Variants in SLC22A23 observed in about 807,000 individuals in gnomAD.
SLC22A23 encodes the protein ion transporter protein.
SLC22A23 carries 26 observed loss-of-function variants against 61.0 expected under a neutral mutation model. The ratio of observed to expected loss-of-function variants is 0.43; its 90% CI spans 0.31 to 0.59. The LOEUF is 0.59. SLC22A23 is among the 20% of genes least tolerant of loss of function. The pLI is 0.11. For synonymous variants in SLC22A23, 430 were observed against 413.9 expected (o/e 1.04, Z -0.47); for missense variants, 796 against 934.7 (o/e 0.85, Z 1.94).
In SLC22A23 at chr6:3,271,745, A is replaced by G. The variant is rs955741199; in HGVS notation, c.*1310T>C. On this transcript the variant is annotated 3_prime_UTR_variant, in exon 10 of 10. Coordinates refer to ENST00000406686, the MANE Select transcript of SLC22A23 (RefSeq NM_015482.2). ...TTGGGTGTCCTACAAGTTTCCTCCG[A>G]AAATGCCAAGAGGAAACCTCCACTT... The G allele has an allele frequency of 2.0e-5, 3 of 151,644 alleles. No homozygotes were observed. Among genetic ancestry groups the G allele is most frequent in the African/African-American group, 7.4e-5 (3 of 40,776 alleles). The allele number at this position is 151,644 out of a possible 1,614,324, so 9.4% of individuals were successfully genotyped here. A position where few individuals can be genotyped will look rare whatever the true frequency, so the allele number is the denominator to read the frequency against.
rs1769554026 is a variant in SLC22A23 at position 3,414,740 on chromosome 6, A to AT, written c.758+1011_758+1012insA. ...ATTCACCAAAAAAAAAAAAAAAAAA[A>AT]AAAATCCTTTAAAGATAAAAGAATG... On this transcript the variant is annotated intron_variant, in intron 2 of 9. Transcript: ENST00000406686. This position sits in a 1 kb window ranked among gnomAD's most constrained non-coding sequence, Gnocchi z 5.1. Among the ~76,000 whole-genome samples the AT allele has an allele frequency of 6.6e-6, 1 of 151,846 alleles. No individual in the cohort carries two copies. The highest frequency in any genetic ancestry group is 2.4e-5 in the African/African-American group (1 of 41,292).
Position 3,328,951 on chromosome 6 carries a change from G to A in SLC22A23, c.914-4949C>T, listed in dbSNP as rs571962031. ...CATCCTGTCCCTGCTTCTCTTCCCC[G>A]GCCAGCCTGGACCAGGTCCCAGCCT... On this transcript the variant is annotated intron_variant, in intron 3 of 9. Transcript: ENST00000406686. The surrounding 1 kb of genome is among the most constrained non-coding windows in gnomAD (Gnocchi z 5.0). Among the ~76,000 whole-genome samples the A allele has an allele frequency of 9.3e-5, 14 of 150,744 alleles. No individual in the cohort carries two copies. The highest frequency in any genetic ancestry group is 1.7e-4 in the African/African-American group (7 of 40,748).
Position 3,324,179 on chromosome 6 carries a change from C to G in SLC22A23, c.914-177G>C. On this transcript the variant is annotated intron_variant, in intron 3 of 9. Coordinates refer to ENST00000406686, the MANE Select transcript of SLC22A23 (RefSeq NM_015482.2). This position sits in a 1 kb window ranked among gnomAD's most constrained non-coding sequence, Gnocchi z 4.3. ...AGTGTTTTACGGGCGCGTTGAGGCT[C>G]CAACTGGGAAGGGAAGTGAGACGGT... is the stretch of plus-strand genomic sequence containing the variant. The G allele has an allele frequency of 1.5e-6, 1 of 688,588 alleles. No homozygotes were observed. Among genetic ancestry groups the G allele is most frequent in the African/African-American group, 1.8e-5 (1 of 55,724 alleles). 42.7% of individuals were successfully genotyped at this position (688,588 alleles called of 1,614,324 possible).
chr6:3,359,138 A>G (rs1018411996), intron 3 of SLC22A23, among the ~76,000 whole-genome samples: 38 of 152,362 alleles, frequency 2.5e-4, no homozygotes, highest in Admixed American at 2.1e-3. Flanking sequence ...GGCTGCATCC[A>G]GAATCACAGA....
At chr6:3,421,289 C>T (rs1770116716) in intron 1 of SLC22A23, among the ~76,000 whole-genome samples, 1 of 152,146 alleles carries the variant, frequency 6.6e-6, no homozygotes. Flanking sequence ...ATGGGGTCTA[C>T]TCTTTATCCC....
At chr6:3,439,965 G>A (rs1174566731) in intron 1 of SLC22A23, among the ~76,000 whole-genome samples, 3 of 152,108 alleles carry the variant, frequency 2.0e-5, no homozygotes, top group African/African-American at 7.2e-5. Context: ...GGCAGGAGAG[G>A]CAGGCAGAGA....
chr6:3,392,238 T>C (rs1767712563), intron 3 of SLC22A23, among the ~76,000 whole-genome samples: 1 of 152,222 alleles, frequency 6.6e-6, no homozygotes, highest in South Asian at 2.1e-4. Context: ...GAGTGTTCCT[T>C]CTTCCTCTTT....
chr6:3,364,189 C>T (rs1765657347), intron 3 of SLC22A23, among the ~76,000 whole-genome samples: 1 of 152,232 alleles, frequency 6.6e-6, no homozygotes, highest in Non-Finnish European at 1.5e-5. Context: ...GAAATGAACA[C>T]TAACTGTCCT....
chr6:3,280,490 CT>C (rs1163139930), intron 9 of SLC22A23, among the ~76,000 whole-genome samples: 1,328 of 57,258 alleles, frequency 0.023, 16 homozygotes, highest in African/African-American at 0.071. Flanking sequence ...TAAGACACAA[CT>C]TTTTTTTTTT....
chr6:3,296,566 TGTGA>T (rs1420173512), intron 5 of SLC22A23, among the ~76,000 whole-genome samples: 3 of 152,228 alleles, frequency 2.0e-5, no homozygotes, highest in South Asian at 2.1e-4. Context: ...GTGAGTGCCA[TGTGA>T]GTGTCATCGT....
chr6:3,273,389 A>G lies in SLC22A23; in HGVS notation c.1727T>C (p.Leu576Pro). 6.2e-7 allele frequency: 1 copy of G among 1,612,124 alleles called. No homozygotes were observed. Among genetic ancestry groups the G allele is most frequent in the East Asian group, 2.2e-5 (1 of 44,874 alleles). ...VIRCGGLGLV[L>P]ASAGFGMLTA... ...CAGCATGCCGAAGCCCGCGCTGGCC[A>G]GCACCAGCCCCAGCCCGCCACACCT... is the stretch of plus-strand genomic sequence containing the variant. The change falls in exon 10 of 10, where the codon CTG becomes CCG. Residue 576 changes from leucine (L) to proline (P), a missense_variant. By Grantham distance (98) the Leu-to-Pro change is moderately conservative. Coordinates refer to ENST00000406686, the MANE Select transcript of SLC22A23 (RefSeq NM_015482.2).
Position 3,321,158 on chromosome 6 carries a change from G to C in SLC22A23, c.1082+2676C>G, listed in dbSNP as rs111273731. Among the ~76,000 whole-genome samples the C allele has an allele frequency of 3.8e-3, 584 of 152,320 alleles. 5 individuals carry two copies. Among genetic ancestry groups the C allele is most frequent in the African/African-American group, 0.013 (556 of 41,572 alleles). ...CTTCAGACTGCCCCTCCATGCATAT[G>C]TTTTCCGTGCGTTATTTCAGTCTTC... On this transcript the variant is annotated intron_variant, in intron 4 of 9. Transcript: ENST00000406686.
chr6:3,375,414 T>C (rs1011886164), intron 3 of SLC22A23, among the ~76,000 whole-genome samples: 41 of 152,214 alleles, frequency 2.7e-4, no homozygotes, highest in African/African-American at 9.9e-4. Flanking sequence ...GCTAATTGCT[T>C]TTCAATATAT....
intron 1 of SLC22A23, among the ~76,000 whole-genome samples, chr6:3,450,230 G>A (rs553056224): frequency 1.4e-4 from 22 of 152,204 alleles, no homozygotes; most frequent in Non-Finnish European, 2.8e-4. Context: ...AAATAGATAT[G>A]CATGAAGATA....
intron 1 of SLC22A23, among the ~76,000 whole-genome samples, chr6:3,425,429 C>G (rs541755104): frequency 6.6e-6 from 1 of 151,596 alleles, no homozygotes; most frequent in Non-Finnish European, 1.5e-5. Context: ...AGACTACAGG[C>G]GCCCGCCACC....
At chr6:3,445,963 G>C (rs147653813) in intron 1 of SLC22A23, among the ~76,000 whole-genome samples, 1 of 152,082 alleles carries the variant, frequency 6.6e-6, no homozygotes, top group Non-Finnish European at 1.5e-5. Context: ...TCTGTCTCTC[G>C]GGCCTGTGGT....
chr6:3,323,204 G>A (rs1177394435), intron 4 of SLC22A23: 2 of 455,574 alleles, frequency 4.4e-6, no homozygotes, highest in African/African-American at 4.0e-5. Flanking sequence ...GAGCAGGGGT[G>A]GGCAAGCTAT....
chr6:3,401,197 C>A (rs1443788711), intron 3 of SLC22A23, among the ~76,000 whole-genome samples: 1 of 152,156 alleles, frequency 6.6e-6, no homozygotes, highest in Non-Finnish European at 1.5e-5. Context: ...CAAAAATTAG[C>A]CGGGCGTGGT....
rs1023948281 is a variant in SLC22A23 at position 3,297,621 on chromosome 6, A to T, written c.1210+470T>A. ...AGGAATTCTATGGATCTGAACGACTATCCAAAAACACTTCACCTTTCCTGT... is the reference window on the plus strand; with the variant it reads ...AGGAATTCTATGGATCTGAACGACTTTCCAAAAACACTTCACCTTTCCTGT... On this transcript the variant is annotated intron_variant, in intron 5 of 9. Coordinates refer to ENST00000406686, the MANE Select transcript of SLC22A23 (RefSeq NM_015482.2). This position sits in a 1 kb window ranked among gnomAD's most constrained non-coding sequence, Gnocchi z 4.3. 4.6e-5 allele frequency among the ~76,000 whole-genome samples: 7 copies of T among 152,188 alleles called. No individual in the cohort carries two copies. Among genetic ancestry groups the T allele is most frequent in the Admixed American group, 2.6e-4 (4 of 15,286 alleles).
Sources: allele counts gnomAD v4.1 joint callset (sites outside exome capture counted in the v4.1 genomes callset), GRCh38; gene constraint gnomAD v4.1.1; non-coding constraint Gnocchi (gnomAD v3.1); transcripts MANE v1.5; gene names NCBI Gene and HGNC (gene_info 2026-07-23, HGNC 2026-07-21).